The following SLC6A9 variants were observed in gnomAD, a reference collection of about 807,000 sequenced individuals.
SLC6A9 encodes solute carrier family 6 member 9, also known as sodium- and chloride-dependent glycine transporter 1.
A neutral mutation model predicts 70.9 loss-of-function variants in SLC6A9; 31 were observed. The observed-to-expected ratio is 0.44, with a 90% CI of 0.33 to 0.59. SLC6A9 has a LOEUF of 0.59. Among genes scored for constraint, SLC6A9 ranks in the 20% least tolerant of loss-of-function variants. The pLI is 0.04. For missense variants in SLC6A9, 631 were observed against 845.2 expected (o/e 0.75, Z 3.14); for synonymous variants, 310 against 341.3 (o/e 0.91, Z 1.01).
In SLC6A9 at chr1:44,008,434, C is replaced by T. The variant is rs146896289; in HGVS notation, c.509G>A (p.Arg170Gln). The T allele has an allele frequency of 2.2e-5, 36 of 1,614,106 alleles. No homozygotes were observed. In the South Asian group the frequency reaches 2.6e-4, roughly 12 times the overall value. Residue 170 changes from arginine to glutamine, a missense_variant, in exon 5 of 14, where the codon CGG (arginine) becomes CAG (glutamine). Coordinates refer to ENST00000372310, the MANE Select transcript of SLC6A9 (RefSeq NM_001024845.3). Reference sequence around the variant, plus strand: ...GAGGTTGCTGGGCAAGGCGGCTGGCCGAGAGCCATTGGTGAGGTTGGAGGC... The same window carrying T: ...GAGGTTGCTGGGCAAGGCGGCTGGCTGAGAGCCATTGGTGAGGTTGGAGGC... ...LDASNLTNGSRPAALPSNLSH... is the reference protein window; with the variant it reads ...LDASNLTNGSQPAALPSNLSH...
chr1:43,997,928 A>C lies in SLC6A9; in HGVS notation c.1634T>G (p.Leu545Arg). ...GAGGGGGATGCAGAGGACGGAGGAC[A>C]GAGCCATGAGGAAGCCAATGGCCAC... ...WAVAIGFLMALSSVLCIPLYA... is the reference protein window; with the variant it reads ...WAVAIGFLMARSSVLCIPLYA... Residue 545 changes from leucine to arginine, a missense_variant, in exon 13 of 14, where the codon CTG becomes CGG. Coordinates refer to ENST00000372310, the MANE Select transcript of SLC6A9 (RefSeq NM_001024845.3). This position sits in a 1 kb window ranked among gnomAD's most constrained non-coding sequence, Gnocchi z 4.4. The C allele has an allele frequency of 6.2e-7, 1 of 1,614,210 alleles. No homozygotes were observed. Among genetic ancestry groups the C allele is most frequent in the Non-Finnish European group, 8.5e-7 (1 of 1,180,014 alleles).
intron 2 of SLC6A9, chr1:44,014,830 C>T (rs1487982686): frequency 6.6e-6 from 1 of 152,110 alleles, no homozygotes; most frequent in Non-Finnish European, 1.5e-5. Context: ...CTCTTGGTAT[C>T]TCAGCACTGC....
intron 1 of SLC6A9, chr1:44,030,600 G>T (rs904241620): frequency 3.3e-5 from 5 of 152,624 alleles, no homozygotes; most frequent in African/African-American, 9.6e-5. Flanking sequence ...TCTTCCCAGG[G>T]TAGCAACCCC....
chr1:44,003,332 C>G (rs1459958738), intron 5 of SLC6A9, among the ~76,000 whole-genome samples: 2 of 152,268 alleles, frequency 1.3e-5, no homozygotes, highest in East Asian at 1.9e-4. Flanking sequence ...TTGCACACTT[C>G]TCCCTTCAGG....
At chr1:44,026,141 C>T (rs1029449362) in intron 1 of SLC6A9, among the ~76,000 whole-genome samples, 2 of 152,380 alleles carry the variant, frequency 1.3e-5, no homozygotes, top group African/African-American at 4.8e-5. Flanking sequence ...TGTGGCTCAA[C>T]TTGTCCTCCT....
intron 4 of SLC6A9, 57 bp from the exon 5 acceptor site, chr1:44,008,680 G>A: frequency 7.4e-7 from 1 of 1,359,836 alleles, no homozygotes; most frequent in Non-Finnish European, 1.0e-6. Flanking sequence ...AGGAGGTGAG[G>A]TTAATAATTT....
intron 11 of SLC6A9, 26 bp downstream of exon 11, chr1:44,000,930 G>C (rs370472168): frequency 1.9e-6 from 3 of 1,601,636 alleles, no homozygotes; most frequent in South Asian, 2.2e-5. Context: ...GCCGGGTCGC[G>C]GGAGGCCGGA....
At chr1:44,006,580 CT>C (rs2086321039) in intron 5 of SLC6A9, among the ~76,000 whole-genome samples, 1 of 77,700 alleles carries the variant, frequency 1.3e-5, no homozygotes, top group Admixed American at 2.1e-4. Context: ...GAGCGAGATT[CT>C]GTCTCAAAAA....
At chr1:44,027,714 G>T (rs750482312) in intron 1 of SLC6A9, among the ~76,000 whole-genome samples, 1 of 152,196 alleles carries the variant, frequency 6.6e-6, no homozygotes, top group Non-Finnish European at 1.5e-5. Flanking sequence ...GGTGGCTCAC[G>T]CCTGTAATCC....
intron 1 of SLC6A9, among the ~76,000 whole-genome samples, chr1:44,024,774 C>T (rs1029838836): frequency 6.6e-6 from 1 of 152,216 alleles, no homozygotes; most frequent in Non-Finnish European, 1.5e-5. Context: ...ATGGTCCTTT[C>T]CTATCTGGGT....
At chr1:44,021,237 C>A (rs1426778475) in intron 2 of SLC6A9, among the ~76,000 whole-genome samples, 1 of 152,156 alleles carries the variant, frequency 6.6e-6, no homozygotes, top group Non-Finnish European at 1.5e-5. Context: ...CTAGTGCCCC[C>A]AAGCATCCCA....
intron 5 of SLC6A9, among the ~76,000 whole-genome samples, chr1:44,005,911 C>T (rs958616247): frequency 6.6e-6 from 1 of 152,216 alleles, no homozygotes; most frequent in South Asian, 2.1e-4. Flanking sequence ...CTCCAGCCCG[C>T]GCTGGGGAGT....
chr1:44,028,347 C>G (rs2087019768), intron 1 of SLC6A9, among the ~76,000 whole-genome samples: 1 of 152,156 alleles, frequency 6.6e-6, no homozygotes, highest in Non-Finnish European at 1.5e-5. Flanking sequence ...AGCAGAAGAT[C>G]AACTTCAAGG....
chr1:44,009,424 C>T (rs1257182715), intron 4 of SLC6A9, among the ~76,000 whole-genome samples: 12 of 151,360 alleles, frequency 7.9e-5, no homozygotes, highest in African/African-American at 2.4e-4. Context: ...AGGGTTTCAC[C>T]GTATTAGCCA....
intron 5 of SLC6A9, among the ~76,000 whole-genome samples, chr1:44,003,604 C>T (rs928673683): frequency 7.2e-5 from 11 of 152,004 alleles, no homozygotes; most frequent in African/African-American, 1.7e-4. Flanking sequence ...AAAAATTAGC[C>T]GGCCATGATG....
At chr1:44,022,077 A>C (rs1008649507) in intron 2 of SLC6A9, among the ~76,000 whole-genome samples, 70 of 152,370 alleles carry the variant, frequency 4.6e-4, no homozygotes, top group African/African-American at 1.6e-3. Context: ...AGCTATCTTT[A>C]GGCACATCCT....
At position 44,001,518 on chromosome 1, in the gene SLC6A9, G is replaced by A. The variant is rs865985641; in HGVS notation, c.1072C>T (p.Arg358Cys). The A allele has an allele frequency of 3.7e-6, 6 of 1,614,070 alleles. No homozygotes were observed. Among genetic ancestry groups the A allele is most frequent in the Non-Finnish European group, 4.2e-6 (5 of 1,180,012 alleles). ...MANHLGVDVS[R>C]VADHGPGLAF... ...AGGCCAGGGCCGTGGTCTGCCACAC[G>A]GGACACATCCACGCCCAGGTGATTG... Residue 358 changes from arginine to cysteine, a missense_variant, in exon 9 of 14, where the codon CGT becomes TGT. By Grantham distance (180) the Arg-to-Cys change is radical. Transcript: ENST00000372310.
intron 5 of SLC6A9, among the ~76,000 whole-genome samples, chr1:44,007,550 G>A (rs1016530314): frequency 5.3e-5 from 8 of 152,150 alleles, no homozygotes; most frequent in African/African-American, 1.2e-4. Flanking sequence ...CGGCACCCCC[G>A]GCTCAGAGAC....
intron 5 of SLC6A9, among the ~76,000 whole-genome samples, chr1:44,003,847 C>A (rs2086215025): frequency 6.6e-6 from 1 of 151,352 alleles, no homozygotes; most frequent in Non-Finnish European, 1.5e-5. Context: ...ATCTTTTGAT[C>A]AATCAGACAT....
Sources: gnomAD v4.1 joint callset for allele counts (sites outside exome capture counted in the v4.1 genomes callset) on GRCh38, gnomAD v4.1.1 for gene constraint, Gnocchi (gnomAD v3.1) non-coding constraint, MANE v1.5 for transcripts, NCBI Gene and HGNC (gene_info 2026-07-23, HGNC 2026-07-21) for gene names.